Variants in RFC1 observed in about 807,000 individuals in gnomAD.
RFC1 encodes A1 140 kDa subunit.
In RFC1, 37 loss-of-function variants were observed where a neutral mutation model predicts 137.4. The observed-to-expected ratio is 0.27, with a 90% CI of 0.21 to 0.35. RFC1 has a LOEUF of 0.35. RFC1 is among the 10% of genes least tolerant of loss of function. The pLI, the probability that RFC1 is intolerant of heterozygous loss-of-function variation, is 1.00. For missense variants in RFC1, 1,205 were observed against 1,358.5 expected, an observed-to-expected ratio of 0.89 and a Z score of 1.78; for synonymous variants, 429 against 455.7, an observed-to-expected ratio of 0.94 and a Z score of 0.75.
intron 1 of RFC1, among the ~76,000 whole-genome samples, chr4:39,355,669 A>G (rs913182219): frequency 1.3e-5 from 2 of 152,216 alleles, no homozygotes; most frequent in Non-Finnish European, 2.9e-5. Flanking sequence ...GATGTGGGGA[A>G]ACAGATGCTC....
intron 12 of RFC1, among the ~76,000 whole-genome samples, chr4:39,309,867 C>T (rs1738881583): frequency 6.6e-6 from 1 of 152,072 alleles, no homozygotes; most frequent in Non-Finnish European, 1.5e-5. Context: ...GCAGTGGATG[C>T]TAAAATTAGT....
At chr4:39,329,534 A>G (rs1372347156) in intron 4 of RFC1, among the ~76,000 whole-genome samples, 1 of 151,782 alleles carries the variant, frequency 6.6e-6, no homozygotes, top group East Asian at 1.9e-4. Flanking sequence ...TCTGTACTCC[A>G]GCCTGGGAGA....
At chr4:39,308,488 G>T in intron 13 of RFC1, 148 bp downstream of exon 13, 3 of 1,064,868 alleles carry the variant, frequency 2.8e-6, no homozygotes, top group Non-Finnish European at 4.1e-6. Flanking sequence ...CACCAGCAGG[G>T]TCTAGTACTG....
rs1737492520 is a variant in RFC1 at position 39,288,513 on chromosome 4, A to C, written c.*248T>G. On this transcript the variant is annotated 3_prime_UTR_variant, in exon 25 of 25. Coordinates refer to ENST00000349703, the MANE Select transcript of RFC1 (RefSeq NM_002913.5). ...AGTTCCAATTCTACAGTCATTCAGA[A>C]GCACGTCTAACTAGATTGACAGAGG... The C allele has an allele frequency of 6.0e-6, 2 of 334,990 alleles. No homozygotes were observed. Among genetic ancestry groups the C allele is most frequent in the Non-Finnish European group, 1.1e-5 (2 of 185,614 alleles). 20.8% of individuals were successfully genotyped at this position (334,990 alleles called of 1,614,324 possible).
chr4:39,345,327 C>T, intron 3 of RFC1, 74 bp downstream of exon 3: 5 of 1,310,108 alleles, frequency 3.8e-6, no homozygotes, highest in Non-Finnish European at 5.4e-6. Flanking sequence ...ATCCTTAGAA[C>T]ATAGTTTAAA....
intron 4 of RFC1, among the ~76,000 whole-genome samples, chr4:39,330,503 CAGATAT>C (rs1740041959): frequency 6.6e-6 from 1 of 152,088 alleles, no homozygotes; most frequent in East Asian, 1.9e-4. Flanking sequence ...CCAAAAACCA[CAGATAT>C]ATCCATTAGA....
At chr4:39,352,646 T>C (rs1741265709) in intron 1 of RFC1, among the ~76,000 whole-genome samples, 2 of 152,230 alleles carry the variant, frequency 1.3e-5, no homozygotes, top group East Asian at 1.9e-4. Context: ...ATTATGCATC[T>C]ACCACAATTC....
rs1202897147 is a variant in RFC1, at chr4:39,312,807, T to G, written c.1328A>C (p.Lys443Thr). 1 of 1,614,178 alleles carries G rather than the reference T, an allele frequency of 6.2e-7. No homozygotes were observed. The highest frequency in any genetic ancestry group is 8.5e-7 in the Non-Finnish European group (1 of 1,180,022). The change falls in exon 11 of 25, where the codon AAG (lysine) becomes ACG (threonine). Residue 443 changes from lysine to threonine, a missense_variant. By Grantham distance (78) the Lys-to-Thr change is moderately conservative. Around this residue, in one of 3 missense-constraint regions of RFC1, gnomAD observed 962 missense variants for 1,035.3 expected, o/e 0.93. Transcript: ENST00000349703. ...ACCCATGACAAGATAATTTGTTTTC[T>G]TGCTGACATTTCCTGTTACTTTTCC... ...YGGKVTGNVS[K>T]KTNYLVMGRD... is the part of the protein sequence containing the mutation.
chr4:39,326,747 A>G (rs1425514896), intron 5 of RFC1, 107 bp from the exon 6 acceptor site: 1 of 808,208 alleles, frequency 1.2e-6, no homozygotes, highest in Non-Finnish European at 2.0e-6. Context: ...AGATAAGTGT[A>G]TCTATCAGTA....
chr4:39,309,881 T>A (rs994460311), intron 12 of RFC1, among the ~76,000 whole-genome samples: 1 of 152,234 alleles, frequency 6.6e-6, no homozygotes, highest in Non-Finnish European at 1.5e-5. Flanking sequence ...AATTAGTGGA[T>A]GAATGTTTAA....
chr4:39,324,636 A>G (rs1200610441), intron 6 of RFC1, among the ~76,000 whole-genome samples: 1 of 152,256 alleles, frequency 6.6e-6, no homozygotes. Flanking sequence ...AATAATACTT[A>G]TCAAGAGCCC....
chr4:39,333,249 T>TA (rs1299063823), intron 4 of RFC1, among the ~76,000 whole-genome samples: 1 of 152,156 alleles, frequency 6.6e-6, no homozygotes, highest in East Asian at 1.9e-4. Flanking sequence ...ACAATATTGG[T>TA]AAAAATGTGA....
intron 4 of RFC1, among the ~76,000 whole-genome samples, chr4:39,337,967 C>G (rs1238104348): frequency 6.6e-6 from 1 of 152,084 alleles, no homozygotes; most frequent in Non-Finnish European, 1.5e-5. Context: ...CAGGAAAAAC[C>G]CCCACCATTT....
At chr4:39,321,957 T>C (rs1168258746) in intron 7 of RFC1, 2 of 124,826 alleles carry the variant, frequency 1.6e-5, no homozygotes, top group Non-Finnish European at 3.7e-5. Context: ...TACCTGCCTG[T>C]TTAGTCTTAG....
Position 39,308,683 on chromosome 4 carries a change from C to A in RFC1, c.1838G>T (p.Arg613Leu), listed in dbSNP as rs1057747. Reference sequence around the variant, plus strand: ...ACTCTTTTGCCAGTTTCGGAGCCAGCGTAGGAGTTTGTTGGCACAGCTCTG... The same window carrying A: ...ACTCTTTTGCCAGTTTCGGAGCCAGAGTAGGAGTTTGTTGGCACAGCTCTG... Reference protein sequence around the residue: ...GDQSCANKLLRWLRNWQKSSS... With the variant: ...GDQSCANKLLLWLRNWQKSSS... The change falls in exon 13 of 25, where the codon CGC becomes CTC. Residue 613 changes from arginine to leucine, a missense_variant. Transcript: ENST00000349703. 1 of 1,614,024 alleles carries A rather than the reference C, an allele frequency of 6.2e-7. No individual in the cohort carries two copies. The highest frequency in any genetic ancestry group is 8.5e-7 in the Non-Finnish European group (1 of 1,179,982).
intron 2 of RFC1, among the ~76,000 whole-genome samples, chr4:39,351,077 C>T (rs542459111): frequency 5.9e-5 from 9 of 151,768 alleles, no homozygotes; most frequent in Admixed American, 4.6e-4. Flanking sequence ...GGTGAAACCC[C>T]GTCTCTACTA....
chr4:39,306,866 T>G (rs1358236752), intron 13 of RFC1, among the ~76,000 whole-genome samples, 165 bp from the exon 14 acceptor site: 1 of 152,186 alleles, frequency 6.6e-6, no homozygotes, highest in African/African-American at 2.4e-5. Flanking sequence ...TTCCAGAGCA[T>G]TCAGTGAAAT....
chr4:39,299,054 G>A (rs1212866265), intron 21 of RFC1, among the ~76,000 whole-genome samples: 2 of 152,206 alleles, frequency 1.3e-5, no homozygotes, highest in Admixed American at 6.5e-5. Flanking sequence ...ATGAGGGCAA[G>A]GAACACCTGG....
chr4:39,290,723 G>A (rs1242295645), intron 23 of RFC1, among the ~76,000 whole-genome samples: 2 of 151,306 alleles, frequency 1.3e-5, no homozygotes, highest in East Asian at 3.9e-4. Flanking sequence ...GCTGAGGCAT[G>A]AGAATGGCTT....
Sources: gnomAD v4.1 joint callset for allele counts (sites outside exome capture counted in the v4.1 genomes callset) on GRCh38, gnomAD v4.1.1 for gene constraint, gnomAD v4.1.1 regional missense constraint, MANE v1.5 for transcripts, NCBI Gene and HGNC (gene_info 2026-07-23, HGNC 2026-07-21) for gene names.